The following MARCHF1 variants were observed in gnomAD, a reference collection of about 807,000 sequenced individuals.
MARCHF1 encodes membrane associated ring-CH-type finger 1.
In MARCHF1, 40 loss-of-function variants were observed where a neutral mutation model predicts 54.2. The observed-to-expected ratio is 0.74, with a 90% confidence interval of 0.57 to 0.96. The LOEUF (loss-of-function observed/expected upper bound fraction) is 0.96. Ranked by LOEUF, MARCHF1 falls within the 40% of genes least tolerant of loss-of-function variation. MARCHF1 has a pLI of 0.00. For missense variants in MARCHF1, 586 were observed against 656.5 expected (o/e 0.89, Z 1.17); for synonymous variants, 236 against 236.3 (o/e 1.00, Z 0.01).
intron 4 of MARCHF1, among the ~76,000 whole-genome samples, chr4:163,733,348 C>T (rs1179221459): frequency 6.0e-5 from 8 of 133,650 alleles, no homozygotes; most frequent in Non-Finnish European, 7.8e-5. Flanking sequence ...GAAAATAATG[C>T]GAGATGGAAA....
intron 1 of MARCHF1, chr4:164,197,550 G>T: frequency 6.2e-7 from 1 of 1,613,384 alleles, no homozygotes; most frequent in Non-Finnish European, 8.5e-7. Flanking sequence ...AGATTGAGGT[G>T]AGGCCTCCGT....
chr4:163,616,856 T>C (rs1741531153), intron 5 of MARCHF1, among the ~76,000 whole-genome samples: 1 of 152,134 alleles, frequency 6.6e-6, no homozygotes, highest in Admixed American at 6.6e-5. Context: ...GGGAAATTTC[T>C]CTAAAATCTA....
intron 4 of MARCHF1, among the ~76,000 whole-genome samples, chr4:163,795,590 T>G (rs1369808939): frequency 6.6e-6 from 1 of 152,256 alleles, no homozygotes; most frequent in Admixed American, 6.5e-5. Context: ...GTTACAGTGT[T>G]CATACTTTTG....
At chr4:163,852,854 T>G (rs1434964483) in intron 4 of MARCHF1, among the ~76,000 whole-genome samples, 1 of 152,134 alleles carries the variant, frequency 6.6e-6, no homozygotes. Context: ...ACCCCCAAGG[T>G]GATGGTATTA....
chr4:164,116,305 T>G (rs1196602420), intron 1 of MARCHF1, among the ~76,000 whole-genome samples: 1 of 152,220 alleles, frequency 6.6e-6, no homozygotes, highest in Non-Finnish European at 1.5e-5. Flanking sequence ...CTATGCATGC[T>G]GTACTAAATA....
At chr4:164,064,271 A>G (rs1422349930) in intron 2 of MARCHF1, among the ~76,000 whole-genome samples, 1 of 152,146 alleles carries the variant, frequency 6.6e-6, no homozygotes, top group Non-Finnish European at 1.5e-5. Context: ...CATTTTAATG[A>G]TATTGATTTG....
At chr4:164,040,296 A>G (rs913868870) in intron 2 of MARCHF1, among the ~76,000 whole-genome samples, 1 of 128,718 alleles carries the variant, frequency 7.8e-6, no homozygotes, top group Non-Finnish European at 1.6e-5. Context: ...ACAAGTATCT[A>G]TAAGTACATA....
chr4:164,251,029 G>A (rs889608495), intron 1 of MARCHF1, among the ~76,000 whole-genome samples: 5 of 152,050 alleles, frequency 3.3e-5, no homozygotes, highest in Non-Finnish European at 7.4e-5. Flanking sequence ...CCACAACAAT[G>A]ATCAAGAAAC....
intron 4 of MARCHF1, among the ~76,000 whole-genome samples, chr4:163,732,164 C>T (rs111446265): frequency 3.2e-4 from 48 of 151,042 alleles, no homozygotes; most frequent in African/African-American, 1.1e-3. Context: ...AGTTATTAAT[C>T]ATATAATTAT....
chr4:164,224,507 G>A (rs914261491), intron 1 of MARCHF1, among the ~76,000 whole-genome samples: 3 of 151,084 alleles, frequency 2.0e-5, no homozygotes, highest in Middle Eastern at 3.2e-3. Flanking sequence ...CCTACATCTC[G>A]CTAGCATGAA....
At chr4:164,313,844 C>G (rs1734931397) in intron 1 of MARCHF1, among the ~76,000 whole-genome samples, 1 of 152,118 alleles carries the variant, frequency 6.6e-6, no homozygotes, top group South Asian at 2.1e-4. Context: ...TTACCAAGCC[C>G]TGATGGGATT....
intron 1 of MARCHF1, among the ~76,000 whole-genome samples, chr4:164,207,037 G>A (rs957238246): frequency 3.9e-5 from 6 of 152,146 alleles, no homozygotes; most frequent in African/African-American, 1.4e-4. Flanking sequence ...TTACTACGAT[G>A]TAGGCACTGC....
intron 7 of MARCHF1, among the ~76,000 whole-genome samples, chr4:163,606,187 C>T (rs1741135897): frequency 6.6e-6 from 1 of 152,142 alleles, no homozygotes; most frequent in South Asian, 2.1e-4. Context: ...TCTTTGGGCT[C>T]TTCCTCTTTT....
intron 2 of MARCHF1, among the ~76,000 whole-genome samples, chr4:164,046,265 C>A (rs1298692903): frequency 6.6e-6 from 1 of 152,210 alleles, no homozygotes; most frequent in Non-Finnish European, 1.5e-5. Flanking sequence ...GAGGGAGACA[C>A]TATTTCTATC....
At chr4:163,791,623 T>C (rs1191716720) in intron 4 of MARCHF1, among the ~76,000 whole-genome samples, 1 of 152,154 alleles carries the variant, frequency 6.6e-6, no homozygotes, top group African/African-American at 2.4e-5. Flanking sequence ...TACCGGCCCT[T>C]TGTTTACAAA....
intron 1 of MARCHF1, among the ~76,000 whole-genome samples, chr4:164,262,044 G>T (rs112610630): frequency 1.3e-5 from 2 of 150,558 alleles, no homozygotes; most frequent in East Asian, 4.0e-4. Flanking sequence ...GGTCAAGGCT[G>T]CAGTGAGTCA....
intron 1 of MARCHF1, among the ~76,000 whole-genome samples, chr4:164,246,645 T>G (rs10434113): frequency 0.83 from 30,791 of 37,042 alleles, 14,869 homozygotes; most frequent in East Asian, 1. Context: ...CACAGCAAAA[T>G]AAACTACCAT....
Position 163,700,800 on chromosome 4 carries a change from G to T in MARCHF1, c.162+13C>A. 6.5e-7 allele frequency: 1 copy of T among 1,533,000 alleles called. No homozygotes were observed. Among genetic ancestry groups the T allele is most frequent in the Non-Finnish European group, 8.7e-7 (1 of 1,143,424 alleles). The allele number at this position is 1,533,000 out of a possible 1,614,324, so 95.0% of individuals were successfully genotyped here. ...CAGAAGTCAACAAACAAGAAAATGA[G>T]TACTTCACCTACTTTTGAAATGTTA... On this transcript the variant is annotated intron_variant, in intron 5 of 9. Transcript: ENST00000514618.
chr4:163,668,460 C>A (rs1743617062), intron 5 of MARCHF1, among the ~76,000 whole-genome samples: 1 of 151,978 alleles, frequency 6.6e-6, no homozygotes, highest in Admixed American at 6.6e-5. Context: ...GAGACTAGCA[C>A]AAAAGAATGA....
Sources: gnomAD v4.1 joint callset for allele counts (sites outside exome capture counted in the v4.1 genomes callset) on GRCh38, gnomAD v4.1.1 for gene constraint, MANE v1.5 for transcripts, NCBI Gene and HGNC (gene_info 2026-07-23, HGNC 2026-07-21) for gene names.